CPQ: variants seen among roughly 807,000 people sequenced by gnomAD.
The protein encoded by CPQ is Ser-Met dipeptidase.
Under a neutral mutation model 45.7 loss-of-function variants are expected in CPQ, and 37 were observed. The ratio of observed to expected loss-of-function variants is 0.81; its 90% CI spans 0.62 to 1.07. The LOEUF is 1.07. CPQ is among the 50% of genes least tolerant of loss of function. The probability of loss-of-function intolerance (pLI) is 0.00; values close to 1 mark genes in which losing one functional copy is unlikely to be tolerated. For missense variants in CPQ, 537 were observed against 572.9 expected (o/e 0.94, Z 0.64); for synonymous variants, 186 against 205.8 (o/e 0.90, Z 0.82).
intron 1 of CPQ, among the ~76,000 whole-genome samples, chr8:96,656,004 G>A: frequency 6.6e-6 from 1 of 152,108 alleles, no homozygotes; most frequent in Non-Finnish European, 1.5e-5. Context: ...ACAGGTGTTT[G>A]CCACCATGCC....
chr8:96,654,034 A>G (rs1443371484), intron 1 of CPQ, among the ~76,000 whole-genome samples: 1 of 152,252 alleles, frequency 6.6e-6, no homozygotes, highest in African/African-American at 2.4e-5. Flanking sequence ...AGAAGCGTTC[A>G]TGTCATAAAA....
intron 7 of CPQ, among the ~76,000 whole-genome samples, chr8:97,122,264 A>T (rs1261700579): frequency 6.6e-6 from 1 of 152,198 alleles, no homozygotes; most frequent in Non-Finnish European, 1.5e-5. Flanking sequence ...AATACAAAAA[A>T]AACTTAAAAG....
chr8:96,767,569 T>C (rs553847585), intron 1 of CPQ, among the ~76,000 whole-genome samples: 11 of 150,848 alleles, frequency 7.3e-5, no homozygotes, highest in Admixed American at 1.3e-4. Context: ...ATGCTCTTTT[T>C]AACAATTAGT....
At chr8:96,758,062 G>T (rs572984415) in intron 1 of CPQ, among the ~76,000 whole-genome samples, 1 of 152,252 alleles carries the variant, frequency 6.6e-6, no homozygotes, top group South Asian at 2.1e-4. Flanking sequence ...AAACTGTAAG[G>T]TTACATGTAA....
At chr8:96,651,794 G>A (rs1815579701) in intron 1 of CPQ, among the ~76,000 whole-genome samples, 1 of 151,914 alleles carries the variant, frequency 6.6e-6, no homozygotes, top group African/African-American at 2.4e-5. Flanking sequence ...ATGTATATAT[G>A]TCTCCTTTTT....
intron 1 of CPQ, among the ~76,000 whole-genome samples, chr8:96,688,682 C>G (rs1380580696): frequency 6.6e-6 from 1 of 152,064 alleles, no homozygotes; most frequent in Admixed American, 6.6e-5. Context: ...TACTATATTT[C>G]TTCATGTATG....
intron 1 of CPQ, among the ~76,000 whole-genome samples, chr8:96,675,263 A>G (rs1809061058): frequency 6.6e-6 from 1 of 151,874 alleles, no homozygotes; most frequent in Non-Finnish European, 1.5e-5. Context: ...GTGTCATTTA[A>G]GAGAGCATAT....
intron 3 of CPQ, 83 bp downstream of exon 3, chr8:96,835,263 C>T (rs1321275239): frequency 9.2e-7 from 1 of 1,087,704 alleles, no homozygotes; most frequent in East Asian, 2.9e-5. Context: ...AAAAACAAAC[C>T]ATTCAAATGA....
intron 5 of CPQ, among the ~76,000 whole-genome samples, chr8:96,969,890 C>A (rs886075322): frequency 6.6e-6 from 1 of 151,964 alleles, no homozygotes; most frequent in African/African-American, 2.4e-5. Context: ...TCATAAACAC[C>A]CTGTTAACAG....
At chr8:96,934,556 G>T (rs1813019186) in intron 4 of CPQ, among the ~76,000 whole-genome samples, 1 of 152,184 alleles carries the variant, frequency 6.6e-6, no homozygotes, top group African/African-American at 2.4e-5. Flanking sequence ...TGATAGTCAG[G>T]ACTGGTTCTG....
intron 4 of CPQ, among the ~76,000 whole-genome samples, chr8:96,920,691 G>A (rs1812794410): frequency 6.6e-6 from 1 of 152,090 alleles, no homozygotes; most frequent in Non-Finnish European, 1.5e-5. Flanking sequence ...CTATTAGGGT[G>A]GGGTCTGCTT....
intron 1 of CPQ, among the ~76,000 whole-genome samples, chr8:96,688,344 C>T (rs745904024): frequency 3.3e-5 from 5 of 152,000 alleles, no homozygotes; most frequent in African/African-American, 7.2e-5. Flanking sequence ...ATTGATTTGT[C>T]GTATTCTTGT....
At chr8:96,691,234 T>C (rs1809300537) in intron 1 of CPQ, among the ~76,000 whole-genome samples, 1 of 152,230 alleles carries the variant, frequency 6.6e-6, no homozygotes, top group Non-Finnish European at 1.5e-5. Flanking sequence ...GTTTCTTGGC[T>C]TGTTGCTGCA....
chr8:96,714,239 T>A (rs1809648262), intron 1 of CPQ, among the ~76,000 whole-genome samples: 1 of 152,222 alleles, frequency 6.6e-6, no homozygotes, highest in Admixed American at 6.5e-5. Flanking sequence ...TTTTCCAAAC[T>A]TTTTGCTTTC....
rs576245057 is a variant in CPQ, at chr8:96,924,859, G to A, written c.850-41076G>A. Among the ~76,000 whole-genome samples the A allele has an allele frequency of 4.5e-4, 69 of 152,244 alleles. 3 individuals carry two copies. In the South Asian group the frequency reaches 5.6e-3, roughly 12 times the overall value. ...TTTAAATGCCATCTACTTTGGATCC[G>A]TTCAAAATATTTTCACTAACCCTTT... On this transcript the variant is annotated intron_variant, in intron 4 of 7. Coordinates refer to ENST00000220763, the MANE Select transcript of CPQ (RefSeq NM_016134.4).
intron 7 of CPQ, among the ~76,000 whole-genome samples, chr8:97,107,218 TAAAC>T (rs1350396538): frequency 1.3e-5 from 2 of 152,218 alleles, no homozygotes; most frequent in Non-Finnish European, 1.5e-5. Flanking sequence ...AACAAACTAT[TAAAC>T]AAATATGTGC....
At chr8:97,001,721 C>CTTTCTTTT (rs1809284394) in intron 5 of CPQ, among the ~76,000 whole-genome samples, 3 of 92,090 alleles carry the variant, frequency 3.3e-5, no homozygotes, top group East Asian at 3.2e-4. Context: ...TTCTTTCTTT[C>CTTTCTTTT]TTTTTTTTTT....
At chr8:96,750,690 A>G (rs1166712091) in intron 1 of CPQ, among the ~76,000 whole-genome samples, 1 of 151,426 alleles carries the variant, frequency 6.6e-6, no homozygotes, top group Non-Finnish European at 1.5e-5. Flanking sequence ...TTACGTAGGT[A>G]AACATGTGCC....
chr8:96,668,061 A>G (rs1042604946), intron 1 of CPQ, among the ~76,000 whole-genome samples: 6 of 152,232 alleles, frequency 3.9e-5, no homozygotes, highest in Middle Eastern at 3.2e-3. Flanking sequence ...ATTTGCAATA[A>G]TCACACTTTG....
Sources: allele counts gnomAD v4.1 joint callset (sites outside exome capture counted in the v4.1 genomes callset), GRCh38; gene constraint gnomAD v4.1.1; transcripts MANE v1.5; gene names NCBI Gene and HGNC (gene_info 2026-07-23, HGNC 2026-07-21).